The following SNTG1 variants were observed in gnomAD, a reference collection of about 807,000 sequenced individuals.
SNTG1 encodes the protein syntrophin gamma 1.
SNTG1 carries 39 observed loss-of-function variants against 74.7 expected under a neutral mutation model. That is an observed-to-expected ratio of 0.52 (90% CI 0.40 to 0.68). The LOEUF (loss-of-function observed/expected upper bound fraction) is 0.68. Among genes scored for constraint, SNTG1 ranks in the 30% least tolerant of loss-of-function variants. The pLI, the probability that SNTG1 is intolerant of heterozygous loss-of-function variation, is 0.00. For synonymous variants in SNTG1, 254 were observed against 217.1 expected (o/e 1.17, Z -1.49); for missense variants, 685 against 609.5 (o/e 1.12, Z -1.30).
At chr8:50,210,985 T>C (rs1323847572) in intron 2 of SNTG1, among the ~76,000 whole-genome samples, 4 of 152,158 alleles carry the variant, frequency 2.6e-5, no homozygotes, top group Non-Finnish European at 5.9e-5. Flanking sequence ...GCAATGAGTG[T>C]AATTTATGCA....
At chr8:49,957,659 G>T (rs1034773244) in intron 1 of SNTG1, among the ~76,000 whole-genome samples, 1 of 152,232 alleles carries the variant, frequency 6.6e-6, no homozygotes, top group Non-Finnish European at 1.5e-5. Context: ...ATGTCATTCA[G>T]TCTGAGCCAG....
At chr8:50,680,111 A>G (rs1202506994) in intron 15 of SNTG1, among the ~76,000 whole-genome samples, 3 of 151,752 alleles carry the variant, frequency 2.0e-5, no homozygotes, top group African/African-American at 7.3e-5. Flanking sequence ...ATACTAATTG[A>G]CTCCATCATG....
chr8:50,221,888 G>GTATA (rs1482703601), intron 2 of SNTG1, among the ~76,000 whole-genome samples: 8 of 152,280 alleles, frequency 5.3e-5, no homozygotes, highest in Middle Eastern at 3.4e-3. Context: ...CCAGCTAAAT[G>GTATA]GGAGACCAGA....
chr8:50,215,642 A>G (rs983331990), intron 2 of SNTG1, among the ~76,000 whole-genome samples: 2 of 151,832 alleles, frequency 1.3e-5, no homozygotes, highest in Admixed American at 1.3e-4. Context: ...TTTTAAAAGT[A>G]TTATCAATCC....
chr8:50,446,049 G>T (rs115891119), intron 5 of SNTG1, among the ~76,000 whole-genome samples: 1 of 152,156 alleles, frequency 6.6e-6, no homozygotes, highest in African/African-American at 2.4e-5. Flanking sequence ...GGTTCAGGGC[G>T]ATGGAGGTCC....
intron 1 of SNTG1, among the ~76,000 whole-genome samples, chr8:50,005,955 CTTTTTTTTTTTTTTTTT>C (rs57041850): frequency 1.1e-5 from 1 of 89,376 alleles, no homozygotes; most frequent in Non-Finnish European, 1.9e-5. Context: ...ATTACTTGCA[CTTTTTTTTTTTTTTTTT>C]TTTTTTTTTT....
intron 13 of SNTG1, among the ~76,000 whole-genome samples, chr8:50,617,728 T>G (rs58413960): frequency 0.043 from 6,498 of 152,228 alleles, 247 homozygotes; most frequent in African/African-American, 0.094. Context: ...GAGCAAGAAG[T>G]GGGTACATGA....
chr8:50,165,336 G>A (rs1586555957), intron 1 of SNTG1, among the ~76,000 whole-genome samples: 1 of 152,196 alleles, frequency 6.6e-6, no homozygotes, highest in Non-Finnish European at 1.5e-5. Flanking sequence ...CAGAGATGAG[G>A]CTTTAGCAAA....
chr8:50,297,778 A>T (rs980071708), intron 2 of SNTG1, among the ~76,000 whole-genome samples: 1 of 152,102 alleles, frequency 6.6e-6, no homozygotes, highest in African/African-American at 2.4e-5. Context: ...TACTGCAGGT[A>T]TCTGAAACCA....
chr8:50,573,511 T>C (rs2094560352), intron 12 of SNTG1, among the ~76,000 whole-genome samples: 1 of 151,938 alleles, frequency 6.6e-6, no homozygotes, highest in Non-Finnish European at 1.5e-5. Context: ...GTGCATATAT[T>C]TGTCATTTTC....
chr8:50,158,511 A>G (rs1344115831), intron 1 of SNTG1, among the ~76,000 whole-genome samples: 1 of 152,204 alleles, frequency 6.6e-6, no homozygotes, highest in Non-Finnish European at 1.5e-5. Context: ...GGGTAATAGT[A>G]TTAGCTTCAA....
chr8:50,722,978 A>G (rs2095491387), intron 17 of SNTG1, among the ~76,000 whole-genome samples: 1 of 152,192 alleles, frequency 6.6e-6, no homozygotes, highest in South Asian at 2.1e-4. Flanking sequence ...ATTCTATTCT[A>G]TAGTGCATAT....
chr8:50,626,002 A>G (rs903444165), intron 13 of SNTG1, among the ~76,000 whole-genome samples: 4 of 152,174 alleles, frequency 2.6e-5, no homozygotes, highest in African/African-American at 9.7e-5. Context: ...AGATACACAC[A>G]TGGCTTCAAA....
At chr8:50,339,583 T>A (rs996022603) in intron 2 of SNTG1, among the ~76,000 whole-genome samples, 1 of 151,984 alleles carries the variant, frequency 6.6e-6, no homozygotes, top group African/African-American at 2.4e-5. Flanking sequence ...AGTCTTATAT[T>A]AGTTTTAAAT....
At position 50,713,829 on chromosome 8, in the gene SNTG1, G is replaced by T. The variant is rs547077900; in HGVS notation, c.1284+4851G>T. On this transcript the variant is annotated intron_variant, in intron 17 of 18. Transcript: ENST00000642720. ...AATTCCAGCACTTTGGAAGGCCAGGGCGGGCGGAACATGAGGTCAAGAGTT... is the reference window on the plus strand; with the variant it reads ...AATTCCAGCACTTTGGAAGGCCAGGTCGGGCGGAACATGAGGTCAAGAGTT... Among the ~76,000 whole-genome samples the T allele has an allele frequency of 2.9e-3, 448 of 152,158 alleles. 3 individuals are homozygous for T. The highest frequency in any genetic ancestry group is 0.01 in the African/African-American group (433 of 41,502).
At chr8:50,113,459 C>T (rs1275289792) in intron 1 of SNTG1, among the ~76,000 whole-genome samples, 5 of 152,256 alleles carry the variant, frequency 3.3e-5, no homozygotes, top group African/African-American at 1.2e-4. Flanking sequence ...GCTGAAGTTG[C>T]TTATCAGCTT....
At chr8:50,023,667 C>T (rs1817019027) in intron 1 of SNTG1, among the ~76,000 whole-genome samples, 1 of 152,096 alleles carries the variant, frequency 6.6e-6, no homozygotes. Context: ...AACCTCTTTC[C>T]TGGTCTTTTA....
chr8:50,324,384 G>T (rs557774654), intron 2 of SNTG1, among the ~76,000 whole-genome samples: 1 of 152,182 alleles, frequency 6.6e-6, no homozygotes, highest in Middle Eastern at 3.4e-3. Context: ...CTGTCTCTTC[G>T]GCCCTCCTCA....
At chr8:50,388,693 T>G (rs533289810) in intron 2 of SNTG1, among the ~76,000 whole-genome samples, 1 of 152,334 alleles carries the variant, frequency 6.6e-6, no homozygotes, top group South Asian at 2.1e-4. Flanking sequence ...GCAGAATTTC[T>G]TCTACAGAGG....
Sources: gnomAD v4.1 joint callset for allele counts (sites outside exome capture counted in the v4.1 genomes callset) on GRCh38, gnomAD v4.1.1 for gene constraint, MANE v1.5 for transcripts, NCBI Gene and HGNC (gene_info 2026-07-23, HGNC 2026-07-21) for gene names.